Variants in PROM1 observed in about 807,000 individuals in gnomAD.
PROM1 encodes prominin 1.
In PROM1, 105 loss-of-function variants were observed where a neutral mutation model predicts 116.9. The ratio of observed to expected loss-of-function variants is 0.90; its 90% CI spans 0.77 to 1.06. PROM1 has a LOEUF of 1.06. Ranked by LOEUF, PROM1 falls within the 50% of genes least tolerant of loss-of-function variation. The pLI, the probability that PROM1 is intolerant of heterozygous loss-of-function variation, is 0.00. For synonymous variants in PROM1, 393 were observed against 387.0 expected, an observed-to-expected ratio of 1.02 and a Z score of -0.18; for missense variants, 1,122 against 1,045.2, an observed-to-expected ratio of 1.07 and a Z score of -1.01.
chr4:16,008,592 C>A (rs559749511), intron 12 of PROM1, among the ~76,000 whole-genome samples: 1 of 152,338 alleles, frequency 6.6e-6, no homozygotes, highest in South Asian at 2.1e-4. Flanking sequence ...ATAATTATAA[C>A]TAGTATTCCA....
At chr4:15,995,327 A>G (rs1722041995) in intron 15 of PROM1, among the ~76,000 whole-genome samples, 1 of 86,482 alleles carries the variant, frequency 1.2e-5, no homozygotes. Context: ...AAAGAAGAAG[A>G]AGACGAAGAA....
intron 13 of PROM1, among the ~76,000 whole-genome samples, chr4:16,004,305 G>T (rs944172788): frequency 6.6e-6 from 1 of 152,120 alleles, no homozygotes; most frequent in Admixed American, 6.6e-5. Context: ...GAATCCTATG[G>T]CCTCCATGCC....
At chr4:15,992,162 T>C in intron 17 of PROM1, 86 bp downstream of exon 17, 1 of 1,541,398 alleles carries the variant, frequency 6.5e-7, no homozygotes. Context: ...AATCTCATCT[T>C]AATAAAAAAT....
chr4:16,029,722 C>G (rs560875855), intron 5 of PROM1, among the ~76,000 whole-genome samples: 1 of 152,322 alleles, frequency 6.6e-6, no homozygotes, highest in East Asian at 1.9e-4. Flanking sequence ...AACTTGAAAA[C>G]CAACTGCATT....
chr4:16,002,431 T>A (rs1435306568), intron 13 of PROM1, among the ~76,000 whole-genome samples: 1 of 152,186 alleles, frequency 6.6e-6, no homozygotes, highest in East Asian at 1.9e-4. Context: ...TCAAATACCA[T>A]CACTGGTGCA....
At chr4:16,035,367 C>T (rs1386916218) in intron 4 of PROM1, among the ~76,000 whole-genome samples, 1 of 152,170 alleles carries the variant, frequency 6.6e-6, no homozygotes, top group East Asian at 1.9e-4. Flanking sequence ...GTTTTAAATG[C>T]ACTAATTTTA....
intron 23 of PROM1, among the ~76,000 whole-genome samples, chr4:15,982,652 G>C (rs138613385): frequency 7.6e-4 from 116 of 152,256 alleles, no homozygotes; most frequent in African/African-American, 2.6e-3. Flanking sequence ...GCATCTGGTG[G>C]CTATGTGGTT....
chr4:16,047,217 T>C (rs1270884786), intron 2 of PROM1, among the ~76,000 whole-genome samples: 1 of 152,118 alleles, frequency 6.6e-6, no homozygotes, highest in East Asian at 1.9e-4. Context: ...GCCTTTCTTT[T>C]TTTTTGAGAG....
chr4:16,006,552 G>A lies in PROM1; in HGVS notation c.1440C>T (p.Gly480=), dbSNP rs749555115. The change falls in exon 13 of 28, where the codon GGC becomes GGT. Residue 480 remains glycine (G), a synonymous_variant. Transcript: ENST00000447510. The part of the protein sequence containing the change: ...TTRGCVSNTG[G]VFLMVGVGLS... ...CAGACACTCACACCATGAGGAAGAC[G>A]CCTCCGGTGTTGGAGACACAGCCTC... 31 of 1,593,928 alleles carry A rather than the reference G, an allele frequency of 1.9e-5. No individual in the cohort carries two copies. Among genetic ancestry groups the A allele is most frequent in the South Asian group, 2.3e-5 (2 of 87,590 alleles).
intron 2 of PROM1, among the ~76,000 whole-genome samples, chr4:16,050,973 G>C (rs763878694): frequency 2.0e-5 from 3 of 152,218 alleles, no homozygotes; most frequent in Non-Finnish European, 2.9e-5. Context: ...CTACTGGGAA[G>C]ACAGATAGTA....
In PROM1 at chr4:15,980,316, AAAAAG is replaced by A. The variant is rs774901208; in HGVS notation, c.2489+101_2489+105del. On this transcript the variant is annotated intron_variant, in intron 24 of 27. Coordinates refer to ENST00000447510, the MANE Select transcript of PROM1 (RefSeq NM_006017.3). ...CCCAACTACTACTAAAAAAAAAAAA[AAAAAG>A]AAATCAACTTTAACCTCATCAGAAC... 114 of 880,360 alleles carry A rather than the reference AAAAAG, an allele frequency of 1.3e-4. No individual in the cohort carries two copies. The African/African-American group carries it at 1.6e-3, about 13-fold the overall frequency. 54.5% of individuals were successfully genotyped at this position (880,360 alleles called of 1,614,324 possible). A position where few individuals can be genotyped will look rare whatever the true frequency, so the allele number is the denominator to read the frequency against.
intron 7 of PROM1, among the ~76,000 whole-genome samples, chr4:16,023,939 T>G (rs549660552): frequency 6.6e-6 from 1 of 152,356 alleles, no homozygotes; most frequent in Non-Finnish European, 1.5e-5. Context: ...CAGCCATTTC[T>G]GAAGCCACCG....
chr4:16,048,104 T>C (rs1736954167), intron 2 of PROM1, among the ~76,000 whole-genome samples: 1 of 152,142 alleles, frequency 6.6e-6, no homozygotes, highest in Non-Finnish European at 1.5e-5. Context: ...CTTCCAGCAC[T>C]CCCATTTGGT....
At chr4:15,980,387 A>C (rs1262673751) in intron 24 of PROM1, 35 bp downstream of exon 24, 1 of 1,375,346 alleles carries the variant, frequency 7.3e-7, no homozygotes, top group Admixed American at 2.1e-5. Context: ...CACCTAGAAA[A>C]TGACCCCCAC....
At chr4:15,970,403 C>T (rs1472620791) in intron 27 of PROM1, among the ~76,000 whole-genome samples, 1 of 151,990 alleles carries the variant, frequency 6.6e-6, no homozygotes, top group Non-Finnish European at 1.5e-5. Context: ...GAGCTCCTGA[C>T]CTCAAGTGAT....
intron 13 of PROM1, chr4:16,003,407 C>G: frequency 2.2e-6 from 1 of 456,740 alleles, no homozygotes; most frequent in East Asian, 6.9e-5. Flanking sequence ...TTTTACAGCC[C>G]TTGCTATATA....
intron 9 of PROM1, among the ~76,000 whole-genome samples, chr4:16,017,201 AACAG>A (rs1728616646): frequency 6.6e-6 from 1 of 152,248 alleles, no homozygotes. Flanking sequence ...AAATGATATG[AACAG>A]ACAGATAAAC....
intron 8 of PROM1, among the ~76,000 whole-genome samples, chr4:16,018,924 C>T (rs536399150): frequency 3.3e-5 from 5 of 152,326 alleles, no homozygotes; most frequent in African/African-American, 4.8e-5. Flanking sequence ...AAATGGATTA[C>T]GCCCAGATAT....
intron 9 of PROM1, among the ~76,000 whole-genome samples, chr4:16,017,557 A>C (rs942399427): frequency 6.6e-6 from 1 of 152,252 alleles, no homozygotes. Context: ...GTGGTGGCTC[A>C]TGCCTGTAAT....
Sources: allele counts gnomAD v4.1 joint callset (sites outside exome capture counted in the v4.1 genomes callset), GRCh38; gene constraint gnomAD v4.1.1; transcripts MANE v1.5; gene names NCBI Gene and HGNC (gene_info 2026-07-23, HGNC 2026-07-21).